Variants in MARCHF1 observed in about 807,000 individuals in gnomAD.
The protein encoded by MARCHF1 is membrane associated ring-CH-type finger 1.
A neutral mutation model predicts 54.2 loss-of-function variants in MARCHF1; 40 were observed. The ratio of observed to expected loss-of-function variants is 0.74; its 90% CI spans 0.57 to 0.96. The LOEUF is 0.96. Among genes scored for constraint, MARCHF1 ranks in the 40% least tolerant of loss-of-function variants. MARCHF1 has a pLI of 0.00. For missense variants in MARCHF1, 586 were observed against 656.5 expected (o/e 0.89, Z 1.17); for synonymous variants, 236 against 236.3 (o/e 1.00, Z 0.01).
At chr4:163,684,080 G>A (rs1201712806) in intron 5 of MARCHF1, among the ~76,000 whole-genome samples, 2 of 152,228 alleles carry the variant, frequency 1.3e-5, no homozygotes, top group African/African-American at 2.4e-5. Context: ...TACCATGAAA[G>A]GCAAGAGTTG....
intron 1 of MARCHF1, among the ~76,000 whole-genome samples, chr4:164,305,578 T>C (rs796684974): frequency 3.9e-5 from 6 of 152,288 alleles, no homozygotes; most frequent in African/African-American, 1.4e-4. Context: ...TCTTCAAAGA[T>C]TGGTAAATTG....
intron 5 of MARCHF1, among the ~76,000 whole-genome samples, chr4:163,653,525 A>T (rs746431451): frequency 2.0e-5 from 3 of 151,738 alleles, no homozygotes; most frequent in Admixed American, 1.3e-4. Context: ...AGCATGAGAT[A>T]TAGGAGCTGT....
chr4:164,194,909 G>A (rs979997129), intron 1 of MARCHF1, among the ~76,000 whole-genome samples: 2 of 151,878 alleles, frequency 1.3e-5, no homozygotes, highest in Non-Finnish European at 2.9e-5. Flanking sequence ...CGTCATCTAC[G>A]TTAGGTATTT....
intron 1 of MARCHF1, among the ~76,000 whole-genome samples, chr4:164,264,398 C>T (rs1318656906): frequency 6.6e-6 from 1 of 151,866 alleles, no homozygotes; most frequent in East Asian, 1.9e-4. Flanking sequence ...GGTTTAATAC[C>T]TGGGCGATGA....
At chr4:163,547,958 G>T (rs962610354) in intron 8 of MARCHF1, among the ~76,000 whole-genome samples, 3 of 152,040 alleles carry the variant, frequency 2.0e-5, no homozygotes, top group African/African-American at 7.2e-5. Flanking sequence ...GCATAACAAA[G>T]GGTAAATATT....
intron 3 of MARCHF1, among the ~76,000 whole-genome samples, chr4:163,860,676 C>A (rs1333561868): frequency 3.3e-5 from 5 of 152,068 alleles, no homozygotes; most frequent in Non-Finnish European, 5.9e-5. Context: ...ACCATGATAC[C>A]AACAAGGCTT....
intron 3 of MARCHF1, among the ~76,000 whole-genome samples, chr4:163,949,012 T>C (rs1239638392): frequency 1.3e-5 from 2 of 152,216 alleles, no homozygotes; most frequent in African/African-American, 4.8e-5. Context: ...GTGGGAAATC[T>C]CTGTGGCCAA....
chr4:164,209,139 T>C (rs1466005245), intron 1 of MARCHF1, among the ~76,000 whole-genome samples: 1 of 152,022 alleles, frequency 6.6e-6, no homozygotes, highest in East Asian at 1.9e-4. Flanking sequence ...TTAACATTAG[T>C]TAAAACAATG....
chr4:164,189,520 G>C, intron 1 of MARCHF1: 1 of 774,708 alleles, frequency 1.3e-6, no homozygotes, highest in Non-Finnish European at 2.3e-6. Flanking sequence ...CAATGGCAAG[G>C]AGTCCTCCCA....
intron 3 of MARCHF1, among the ~76,000 whole-genome samples, chr4:163,946,893 T>A (rs1752036727): frequency 6.6e-6 from 1 of 152,214 alleles, no homozygotes; most frequent in Non-Finnish European, 1.5e-5. Flanking sequence ...TGTTAAGATG[T>A]TATCTCTACA....
chr4:163,748,624 A>G (rs1389082552), intron 4 of MARCHF1, among the ~76,000 whole-genome samples: 1 of 152,174 alleles, frequency 6.6e-6, no homozygotes, highest in Non-Finnish European at 1.5e-5. Flanking sequence ...GTATGGAAAG[A>G]ACAGAGAGAA....
chr4:163,849,119 C>A (rs963635135), intron 4 of MARCHF1, among the ~76,000 whole-genome samples: 4 of 152,156 alleles, frequency 2.6e-5, no homozygotes, highest in African/African-American at 9.7e-5. Context: ...TCCCCTTAAC[C>A]TGAGAAAGAC....
intron 5 of MARCHF1, among the ~76,000 whole-genome samples, chr4:163,621,236 C>A (rs1741687007): frequency 6.6e-6 from 1 of 152,132 alleles, no homozygotes; most frequent in Admixed American, 6.5e-5. Context: ...ATGGTATTCT[C>A]CTGTTCAGAA....
chr4:164,301,069 T>C (rs564699676), intron 1 of MARCHF1, among the ~76,000 whole-genome samples: 12 of 152,194 alleles, frequency 7.9e-5, no homozygotes, highest in Non-Finnish European at 1.6e-4. Context: ...AAAGACACTA[T>C]AAATTAAGAT....
intron 3 of MARCHF1, among the ~76,000 whole-genome samples, chr4:163,900,884 A>G: frequency 6.6e-6 from 1 of 152,224 alleles, no homozygotes; most frequent in East Asian, 1.9e-4. Flanking sequence ...ATATTAATAT[A>G]TCATTTAACA....
intron 1 of MARCHF1, among the ~76,000 whole-genome samples, chr4:164,163,378 G>A (rs1359105298): frequency 6.6e-6 from 1 of 151,996 alleles, no homozygotes; most frequent in Non-Finnish European, 1.5e-5. Context: ...TTGGAAGGAA[G>A]GTTGAAACCC....
intron 4 of MARCHF1, among the ~76,000 whole-genome samples, chr4:163,847,960 A>T (rs1749534088): frequency 6.6e-6 from 1 of 152,200 alleles, no homozygotes. Flanking sequence ...TAACCTAAAA[A>T]TTAGAAGACC....
At chr4:163,598,107 C>T (rs1183085659) in intron 7 of MARCHF1, among the ~76,000 whole-genome samples, 2 of 152,148 alleles carry the variant, frequency 1.3e-5, no homozygotes, top group African/African-American at 2.4e-5. Flanking sequence ...TGTATTCAGA[C>T]ATTCTATTTA....
intron 4 of MARCHF1, among the ~76,000 whole-genome samples, chr4:163,769,879 G>A (rs147228822): frequency 3.0e-4 from 46 of 152,166 alleles, no homozygotes; most frequent in African/African-American, 1.0e-3. Flanking sequence ...TATGAACTAC[G>A]TTGATCCACT....
Sources: allele counts gnomAD v4.1 joint callset (sites outside exome capture counted in the v4.1 genomes callset), GRCh38; gene constraint gnomAD v4.1.1; transcripts MANE v1.5; gene names NCBI Gene and HGNC (gene_info 2026-07-23, HGNC 2026-07-21).